The following SH2B2 variants were observed in gnomAD, a reference collection of about 807,000 sequenced individuals.
SH2B2 encodes the protein SH2B adapter protein 2.
In SH2B2, 37 loss-of-function variants were observed where a neutral mutation model predicts 35.7. That is an observed-to-expected ratio of 1.04 (90% confidence interval 0.80 to 1.36). The LOEUF (loss-of-function observed/expected upper bound fraction) is 1.36, where lower values mean the gene tolerates loss of function less well. Among genes scored for constraint, SH2B2 ranks in the 40% most tolerant of loss-of-function variants. SH2B2 has a pLI of 0.00. For synonymous variants in SH2B2, 383 were observed against 376.4 expected, an observed-to-expected ratio of 1.02 and a Z score of -0.20; for missense variants, 852 against 817.7, an observed-to-expected ratio of 1.04 and a Z score of -0.51.
At chr7:102,319,793 A>G (rs1793983103) in intron 7 of SH2B2, among the ~76,000 whole-genome samples, 1 of 152,116 alleles carries the variant, frequency 6.6e-6, no homozygotes. Context: ...CTAGAGACCT[A>G]GAGAGAAGCC....
At chr7:102,285,271 C>T, upstream of SH2B2, 2 of 1,538,218 alleles carry the variant, frequency 1.3e-6, no homozygotes, top group Non-Finnish European at 1.8e-6. Context: ...TAGTCCACCG[C>T]GGGTCAGGCT....
Position 102,302,170 on chromosome 7 carries a change from G to A in SH2B2, c.729+891G>A, listed in dbSNP as rs148048672. ...GCCACTGTGCCCAGCCCAGGGCACC[G>A]TTCTTGATGTTGTTCAAGAGCCTGG... On this transcript the variant is annotated intron_variant, in intron 2 of 8. Coordinates refer to ENST00000444095, the MANE Select transcript of SH2B2 (RefSeq NM_001359228.2). Among the ~76,000 whole-genome samples, 506 of 152,322 alleles carry A rather than the reference G, an allele frequency of 3.3e-3. 1 individual carries two copies. Among genetic ancestry groups the A allele is most frequent in the Admixed American group, 5.0e-3 (77 of 15,308 alleles).
chr7:102,303,500 G>A (rs1230075914), intron 2 of SH2B2, among the ~76,000 whole-genome samples: 2 of 152,118 alleles, frequency 1.3e-5, no homozygotes, highest in African/African-American at 4.8e-5. Context: ...GCTCCCCAAG[G>A]CTCATTGCCC....
intron 4 of SH2B2, among the ~76,000 whole-genome samples, chr7:102,313,613 A>C (rs984147686): frequency 9.9e-5 from 15 of 152,046 alleles, no homozygotes; most frequent in Non-Finnish European, 2.1e-4. Flanking sequence ...ACAAGTTTTT[A>C]CATAGAATAT....
Position 102,309,218 on chromosome 7 carries a change from C to T in SH2B2, c.923+312C>T, listed in dbSNP as rs782632731. The T allele has an allele frequency of 2.1e-5, 11 of 535,738 alleles. No individual in the cohort carries two copies. The Middle Eastern group carries it at 1.1e-3, about 55-fold the overall frequency. 33.2% of individuals were successfully genotyped at this position (535,738 alleles called of 1,614,324 possible). A position where few individuals can be genotyped will look rare whatever the true frequency, so the allele number is the denominator to read the frequency against. ...GTTGGGCAGAGATGGCAGTGAGTCC[C>T]CAAAGGGCTGGGGGCCTGGTGCAGT... On this transcript the variant is annotated intron_variant, in intron 4 of 8. Transcript: ENST00000444095.
At chr7:102,319,734 A>C (rs1035026918) in intron 7 of SH2B2, among the ~76,000 whole-genome samples, 1 of 152,098 alleles carries the variant, frequency 6.6e-6, no homozygotes, top group Non-Finnish European at 1.5e-5. Flanking sequence ...TCCACTAGAC[A>C]CCACAGGCCT....
rs554033811 is a variant in SH2B2 at position 102,304,329 on chromosome 7, G to A, written c.730-2392G>A. On this transcript the variant is annotated intron_variant, in intron 2 of 8. Coordinates refer to ENST00000444095, the MANE Select transcript of SH2B2 (RefSeq NM_001359228.2). Reference sequence around the variant, plus strand: ...GCTTCCTGCCTCCTCACCCCTGCAGGAAGAGCCTCCTGAACCCCAGGTCCC... The same window carrying A: ...GCTTCCTGCCTCCTCACCCCTGCAGAAAGAGCCTCCTGAACCCCAGGTCCC... Among the ~76,000 whole-genome samples the A allele has an allele frequency of 2.0e-5, 3 of 152,272 alleles. No individual in the cohort carries two copies. The East Asian group carries it at 5.8e-4, about 29-fold the overall frequency.
chr7:102,316,542 ACGC>A (rs1217304599), intron 6 of SH2B2, among the ~76,000 whole-genome samples: 3 of 151,418 alleles, frequency 2.0e-5, no homozygotes, highest in African/African-American at 2.4e-5. Flanking sequence ...AGTCGAGATC[ACGC>A]CACTGCATTC....
chr7:102,320,980 C>G (rs1794038330), intron 8 of SH2B2, among the ~76,000 whole-genome samples: 1 of 146,206 alleles, frequency 6.8e-6, no homozygotes, highest in Admixed American at 6.6e-5. Context: ...CGTGTGTGCG[C>G]ATATGCATGA....
At chr7:102,317,519 C>A in intron 7 of SH2B2, 124 bp downstream of exon 7, 1 of 841,728 alleles carries the variant, frequency 1.2e-6, no homozygotes, top group Non-Finnish European at 1.8e-6. Flanking sequence ...GGCATGACTT[C>A]CCACGGGCCC....
At chr7:102,308,721 G>T in intron 3 of SH2B2, 94 bp from the exon 4 acceptor site, 1 of 892,906 alleles carries the variant, frequency 1.1e-6, no homozygotes, top group Non-Finnish European at 1.9e-6. Flanking sequence ...TGGGAGAGGG[G>T]GATCAGCCAT....
intron 7 of SH2B2, among the ~76,000 whole-genome samples, chr7:102,317,995 C>A (rs535553099): frequency 6.6e-6 from 1 of 152,134 alleles, no homozygotes; most frequent in Admixed American, 6.5e-5. Context: ...CAGAGACCTG[C>A]AGGGGAGGGA....
rs1554555394 is a variant in SH2B2 at position 102,308,870 on chromosome 7, C to T, written c.887C>T (p.Ser296Leu). ...LETIDSLQKHSWVADIQGCVD... is the reference protein window; with the variant it reads ...LETIDSLQKHLWVADIQGCVD... The stretch of plus-strand genomic sequence containing the variant: ...ACCATCGACTCTCTGCAGAAGCACT[C>T]GTGGGTAGCTGACATCCAGGGCTGC... The change falls in exon 4 of 9, where the codon TCG (serine) becomes TTG (leucine). Residue 296 changes from serine to leucine, a missense_variant. Transcript: ENST00000444095. The T allele has an allele frequency of 8.7e-6, 14 of 1,613,696 alleles. No individual in the cohort carries two copies. The highest frequency in any genetic ancestry group is 1.7e-5 in the Admixed American group (1 of 60,014).
intron 2 of SH2B2, 65 bp from the exon 3 acceptor site, chr7:102,306,656 G>C: frequency 1.7e-6 from 2 of 1,190,304 alleles, no homozygotes; most frequent in Non-Finnish European, 2.4e-6. Flanking sequence ...CCTGGCAGCG[G>C]GGAGGGGATG....
intron 3 of SH2B2, among the ~76,000 whole-genome samples, chr7:102,307,503 C>A (rs552841568): frequency 6.6e-6 from 1 of 152,136 alleles, no homozygotes; most frequent in East Asian, 1.9e-4. Flanking sequence ...TGTTTCTGCC[C>A]GTTCTCATTT....
chr7:102,315,759 A>AG (rs1316295509), intron 6 of SH2B2, among the ~76,000 whole-genome samples: 4,047 of 144,546 alleles, frequency 0.028, 226 homozygotes, highest in African/African-American at 0.11. Flanking sequence ...AAAAAAAAAA[A>AG]AAAGAAAAGA....
chr7:102,315,158 C>T (rs1470060133), intron 6 of SH2B2, among the ~76,000 whole-genome samples: 9 of 149,770 alleles, frequency 6.0e-5, no homozygotes, highest in Non-Finnish European at 8.9e-5. Context: ...CACTGCACTC[C>T]AGCCTGGGCG....
chr7:102,301,268 G>A lies in SH2B2; in HGVS notation c.718G>A (p.Val240Met). 1 of 1,604,010 alleles carries A rather than the reference G, an allele frequency of 6.2e-7. No homozygotes were observed. Residue 240 changes from valine to methionine, a missense_variant, in exon 2 of 9, where the codon GTG becomes ATG. By Grantham distance (21) the Val-to-Met change is conservative. Around this residue, in one of 3 missense-constraint regions of SH2B2, gnomAD observed 556 missense variants for 514.5 expected, o/e 1.08. Transcript: ENST00000444095. ...AEERFRLEFF[V>M]PPKASRPKVS... ...GGAACGCTTCCGCCTGGAGTTCTTCGTGCCGCCCAAAGTGAGTTACCCCAT... is the reference window on the plus strand; with the variant it reads ...GGAACGCTTCCGCCTGGAGTTCTTCATGCCGCCCAAAGTGAGTTACCCCAT...
chr7:102,314,827 A>G, intron 6 of SH2B2, 145 bp downstream of exon 6: 1 of 397,364 alleles, frequency 2.5e-6, no homozygotes, highest in Non-Finnish European at 4.4e-6. Context: ...ACGTCTCCGA[A>G]GTACTTCTGG....
Sources: allele counts gnomAD v4.1 joint callset (sites outside exome capture counted in the v4.1 genomes callset), GRCh38; gene constraint gnomAD v4.1.1; regional missense constraint gnomAD v4.1.1; transcripts MANE v1.5; gene names NCBI Gene and HGNC (gene_info 2026-07-23, HGNC 2026-07-21).